ADCY5: variants seen among roughly 807,000 people sequenced by gnomAD.
ADCY5 encodes adenylate cyclase type 5.
ADCY5 carries 30 observed loss-of-function variants against 119.7 expected under a neutral mutation model. The observed-to-expected ratio is 0.25, with a 90% CI of 0.19 to 0.34. The LOEUF (loss-of-function observed/expected upper bound fraction) is 0.34, where lower values mean the gene tolerates loss of function less well. Among genes scored for constraint, ADCY5 ranks in the 10% least tolerant of loss-of-function variants. The pLI is 1.00. For synonymous variants in ADCY5, 753 were observed against 762.2 expected, an observed-to-expected ratio of 0.99 and a Z score of 0.20; for missense variants, 1,324 against 1,775.2, an observed-to-expected ratio of 0.75 and a Z score of 4.57.
At chr3:123,441,829 C>A (rs1409186406) in intron 1 of ADCY5, among the ~76,000 whole-genome samples, 1 of 152,154 alleles carries the variant, frequency 6.6e-6, no homozygotes, top group Non-Finnish European at 1.5e-5. Context: ...ATAAACCTAA[C>A]CAAGATCCTG....
intron 16 of ADCY5, among the ~76,000 whole-genome samples, chr3:123,296,607 C>G (rs1939529072): frequency 6.6e-6 from 1 of 152,198 alleles, no homozygotes; most frequent in Non-Finnish European, 1.5e-5. Context: ...GCAGGCCATG[C>G]TGACCCTGTC....
At chr3:123,349,253 G>A (rs1046534274) in intron 2 of ADCY5, among the ~76,000 whole-genome samples, 2 of 152,160 alleles carry the variant, frequency 1.3e-5, no homozygotes, top group African/African-American at 4.8e-5. Flanking sequence ...CCATTCTGCT[G>A]CACCAGTGCC....
Position 123,447,856 on chromosome 3 carries a change from G to T in ADCY5, c.690C>A (p.Tyr230Ter). 6.2e-7 allele frequency: 1 copy of T among 1,612,668 alleles called. No individual in the cohort carries two copies. Among genetic ancestry groups the T allele is most frequent in the Non-Finnish European group, 8.5e-7 (1 of 1,179,702 alleles). The change falls in exon 1 of 21, where the codon TAC (tyrosine) becomes TAA (stop). Residue 230 changes from tyrosine (Y) to a stop codon, truncating the protein, a stop_gained. Transcript: ENST00000462833. LOFTEE classifies it high-confidence loss of function. ...GGTTCAGGCGGAAGAAGTAGCGCTG[G>T]TACAGCCGCTCCAGTTTGTCCGACG... ...KFPSDKLERL[Y>*]QRYFFRLNQS...
intron 1 of ADCY5, among the ~76,000 whole-genome samples, chr3:123,398,101 G>A (rs1458802378): frequency 6.6e-6 from 1 of 152,196 alleles, no homozygotes; most frequent in Non-Finnish European, 1.5e-5. Context: ...CAGCACCAAA[G>A]CAACCATCTG....
chr3:123,361,599 G>A (rs1035329464), intron 1 of ADCY5, among the ~76,000 whole-genome samples: 13 of 151,262 alleles, frequency 8.6e-5, no homozygotes, highest in African/African-American at 3.2e-4. Context: ...CTCTGTGTCT[G>A]GCTTTTCTCG....
intron 1 of ADCY5, among the ~76,000 whole-genome samples, chr3:123,422,118 G>A (rs918251313): frequency 6.6e-6 from 1 of 152,214 alleles, no homozygotes; most frequent in Non-Finnish European, 1.5e-5. Flanking sequence ...CACTGGGACT[G>A]TCAGCTTCCT....
At chr3:123,390,800 C>T (rs1476476692) in intron 1 of ADCY5, among the ~76,000 whole-genome samples, 2 of 152,212 alleles carry the variant, frequency 1.3e-5, no homozygotes, top group Admixed American at 6.5e-5. Flanking sequence ...CTCACCTTTG[C>T]CCACTCAGGA....
chr3:123,313,764 C>T (rs1173874960), intron 12 of ADCY5, among the ~76,000 whole-genome samples: 3 of 152,214 alleles, frequency 2.0e-5, no homozygotes, highest in Non-Finnish European at 4.4e-5. Context: ...ACACACTCCT[C>T]ATCTATGTGC....
rs182184359 is a variant in ADCY5 at position 123,357,821 on chromosome 3, G to A, written c.1135-5240C>T. The stretch of plus-strand genomic sequence containing the variant: ...CGCTTATGAATAGTGGGGAGGTATC[G>A]GTAAAATCTGATGGAATTCTGCTTA... On this transcript the variant is annotated intron_variant, in intron 1 of 20. Transcript: ENST00000462833. 1.8e-4 allele frequency among the ~76,000 whole-genome samples: 28 copies of A among 152,236 alleles called. No individual in the cohort carries two copies. In the East Asian group the frequency reaches 3.1e-3, roughly 17 times the overall value.
rs377556468 is a variant in ADCY5, at chr3:123,330,871, C to T, written c.1646+18G>A. 189 of 1,601,754 alleles carry T rather than the reference C, an allele frequency of 1.2e-4. 1 individual carries two copies. The African/African-American group carries it at 1.8e-3, about 15-fold the overall frequency. Reference sequence around the variant, plus strand: ...CAGTCCCAGGGAGGGAGACGGTACCCGGGGGGTGGACACTTACGAGATGGC... The same window carrying T: ...CAGTCCCAGGGAGGGAGACGGTACCTGGGGGGTGGACACTTACGAGATGGC... On this transcript the variant is annotated intron_variant, in intron 5 of 20. Transcript: ENST00000462833.
rs1945866257 is a variant in ADCY5, at chr3:123,448,283, G to A, written c.263C>T (p.Pro88Leu). 3 of 1,527,078 alleles carry A rather than the reference G, an allele frequency of 2.0e-6. No homozygotes were observed. Among genetic ancestry groups the A allele is most frequent in the South Asian group, 1.2e-5 (1 of 83,652 alleles). The allele number at this position is 1,527,078 out of a possible 1,614,324, so 94.6% of individuals were successfully genotyped here. A position where few individuals can be genotyped will look rare whatever the true frequency, so the allele number is the denominator to read the frequency against. ...GCTGAAGCCGAAGCCCCCGGCCAGG[G>A]GGTCGTCACCGCTCAGCGGAGGATC... ...DDDPPLSGDD[P>L]LAGGFGFSFR... is the part of the protein sequence containing the mutation. Residue 88 changes from proline (P) to leucine (L), a missense_variant, in exon 1 of 21, where the codon CCC (proline) becomes CTC (leucine). Physicochemically the swap from Pro to Leu is moderately conservative, Grantham distance 98 (BLOSUM62 -3). This residue lies in a region of ADCY5 where 585 missense variants were observed against 569.9 expected (regional missense o/e 1.03). Transcript: ENST00000462833.
chr3:123,385,565 C>T (rs555001537), intron 1 of ADCY5, among the ~76,000 whole-genome samples: 9 of 152,218 alleles, frequency 5.9e-5, no homozygotes, highest in Admixed American at 1.3e-4. Flanking sequence ...AGGAAACCCA[C>T]CAAAGTTCTG....
chr3:123,314,887 T>A (rs1297675222), intron 11 of ADCY5, among the ~76,000 whole-genome samples: 2 of 150,032 alleles, frequency 1.3e-5, no homozygotes, highest in Non-Finnish European at 2.9e-5. Context: ...GCCACCCCCT[T>A]TCCACCGCCA....
intron 17 of ADCY5, among the ~76,000 whole-genome samples, chr3:123,292,862 G>A (rs140189020): frequency 1.3e-5 from 2 of 152,142 alleles, no homozygotes; most frequent in East Asian, 3.9e-4. Context: ...GGGGCCCACG[G>A]ATGCCAGAAG....
chr3:123,333,263 T>C (rs1007971858), intron 3 of ADCY5, among the ~76,000 whole-genome samples: 1 of 152,358 alleles, frequency 6.6e-6, no homozygotes, highest in East Asian at 1.9e-4. Flanking sequence ...TGCCAGACTC[T>C]GATCATGCTG....
intron 1 of ADCY5, among the ~76,000 whole-genome samples, chr3:123,389,291 A>G (rs1944331386): frequency 6.6e-6 from 1 of 152,134 alleles, no homozygotes; most frequent in African/African-American, 2.4e-5. Flanking sequence ...AGAAGAGGAT[A>G]TGACTAAAAC....
At chr3:123,310,848 C>T (rs536868935) in intron 12 of ADCY5, among the ~76,000 whole-genome samples, 39 of 152,174 alleles carry the variant, frequency 2.6e-4, no homozygotes, top group African/African-American at 8.4e-4. Context: ...AAGTTAGCCC[C>T]GCTGAGAAAT....
At chr3:123,402,054 C>T (rs1231922184) in intron 1 of ADCY5, among the ~76,000 whole-genome samples, 1 of 152,086 alleles carries the variant, frequency 6.6e-6, no homozygotes, top group Non-Finnish European at 1.5e-5. Context: ...TGCTGGGCAC[C>T]CCTGAGAGCT....
intron 20 of ADCY5, among the ~76,000 whole-genome samples, 199 bp from the exon 21 acceptor site, chr3:123,284,935 G>A (rs1284540270): frequency 6.6e-6 from 1 of 152,236 alleles, no homozygotes; most frequent in Non-Finnish European, 1.5e-5. Flanking sequence ...AAAGAGCAAC[G>A]CCAGCTCTCA....
Sources: gnomAD v4.1 joint callset for allele counts (sites outside exome capture counted in the v4.1 genomes callset) on GRCh38, gnomAD v4.1.1 for gene constraint, gnomAD v4.1.1 regional missense constraint, MANE v1.5 for transcripts, NCBI Gene and HGNC (gene_info 2026-07-23, HGNC 2026-07-21) for gene names.